Variants in ATRX observed in about 807,000 individuals in gnomAD.
ATRX encodes the protein ATRX chromatin remodeler.
A neutral mutation model predicts 172.6 loss-of-function variants in ATRX; 12 were observed. The ratio of observed to expected loss-of-function variants is 0.07; its 90% confidence interval spans 0.04 to 0.11. ATRX has a LOEUF of 0.11. ATRX is among the 10% of genes least tolerant of loss of function. ATRX has a pLI of 1.00. For missense variants in ATRX, 1,368 were observed against 1,767.4 expected, an observed-to-expected ratio of 0.77 and a Z score of 4.05; for synonymous variants, 674 against 594.7, an observed-to-expected ratio of 1.13 and a Z score of -1.94.
intron 30 of ATRX, among the ~76,000 whole-genome samples, chrX:77,552,796 A>G (rs1300079833): frequency 9.0e-6 from 1 of 110,881 alleles, no homozygotes; most frequent in Non-Finnish European, 1.9e-5. Flanking sequence ...AAATGGAGGA[A>G]CAGGAATTAA....
chrX:77,594,215 GA>G (rs2066390852), intron 25 of ATRX: 1 of 133,193 alleles, frequency 7.5e-6, no homozygotes, highest in Admixed American at 8.3e-5. Flanking sequence ...CAGGCCCTAA[GA>G]GAGTAAAATG....
intron 25 of ATRX, among the ~76,000 whole-genome samples, chrX:77,597,048 T>C (rs2066490311): frequency 1.8e-5 from 2 of 111,121 alleles, no homozygotes; most frequent in South Asian, 7.6e-4. Context: ...AAAAGGCAGA[T>C]TGGGGCAGCA....
At chrX:77,671,920 T>C (rs1169242848) in intron 10 of ATRX, among the ~76,000 whole-genome samples, 1 of 110,980 alleles carries the variant, frequency 9.0e-6, no homozygotes, top group Admixed American at 9.7e-5. Context: ...ATCATATGTC[T>C]TTCCTGACTG....
chrX:77,667,305 G>A (rs2070307279), intron 10 of ATRX, among the ~76,000 whole-genome samples: 1 of 101,612 alleles, frequency 9.8e-6, no homozygotes, highest in Admixed American at 1.1e-4. Context: ...ATGTGTGTGT[G>A]TGTGTGTGTG....
intron 1 of ATRX, among the ~76,000 whole-genome samples, chrX:77,758,956 G>A (rs1468240225): frequency 1.8e-5 from 2 of 111,661 alleles, no homozygotes; most frequent in African/African-American, 3.3e-5. Context: ...ACTTAAAGAT[G>A]GGACATTCTT....
chrX:77,661,951 A>G (rs539651006), intron 12 of ATRX, among the ~76,000 whole-genome samples: 3 of 110,927 alleles, frequency 2.7e-5, no homozygotes, highest in African/African-American at 9.8e-5. Flanking sequence ...TATCCCATCC[A>G]TCATGTGCCA....
intron 15 of ATRX, among the ~76,000 whole-genome samples, chrX:77,640,455 G>A (rs1255526602): frequency 2.7e-5 from 3 of 110,787 alleles, no homozygotes; most frequent in Non-Finnish European, 5.7e-5. Context: ...CTGAATTGAA[G>A]GGAAAATAAA....
At chrX:77,781,246 T>A (rs191617671) in intron 1 of ATRX, among the ~76,000 whole-genome samples, 80 of 110,101 alleles carry the variant, frequency 7.3e-4, no homozygotes, top group African/African-American at 1.5e-3. Context: ...ATCGAGACCA[T>A]CCTGGCCAAC....
intron 19 of ATRX, among the ~76,000 whole-genome samples, chrX:77,625,553 A>T (rs2067795855): frequency 8.9e-6 from 1 of 112,701 alleles, no homozygotes; most frequent in Admixed American, 9.3e-5. Flanking sequence ...AGTAAGAAAA[A>T]AACCAAACAA....
intron 15 of ATRX, chrX:77,651,892 T>C: frequency 4.9e-6 from 2 of 410,325 alleles, no homozygotes; most frequent in South Asian, 4.0e-5. Context: ...TACAACATTC[T>C]ACTCTTAAAA....
intron 3 of ATRX, 76 bp from the exon 4 acceptor site, chrX:77,697,711 G>T: frequency 1.1e-6 from 1 of 908,063 alleles, no homozygotes; most frequent in Non-Finnish European, 1.6e-6. Context: ...TTTCCCTATA[G>T]CAACTTCAAT....
At chrX:77,714,329 CCAGCAAGGCCCA>C (rs2148737086) in intron 2 of ATRX, among the ~76,000 whole-genome samples, 1 of 111,485 alleles carries the variant, frequency 9.0e-6, no homozygotes, top group African/African-American at 3.3e-5. Context: ...CGAGAAGGGT[CCAGCAAGGCCCA>C]CCGGACTCCG....
At chrX:77,534,322 A>G (rs1020186326) in intron 30 of ATRX, among the ~76,000 whole-genome samples, 6 of 112,187 alleles carry the variant, frequency 5.3e-5, no homozygotes, top group Non-Finnish European at 1.1e-4. Context: ...AATATAAGAA[A>G]CAAATAATGA....
At chrX:77,722,000 G>A (rs999370263) in intron 1 of ATRX, among the ~76,000 whole-genome samples, 3 of 111,226 alleles carry the variant, frequency 2.7e-5, no homozygotes, top group African/African-American at 9.8e-5. Context: ...GAACAGAACC[G>A]AGGCCTCAGA....
At chrX:77,767,004 G>A (rs1485476062) in intron 1 of ATRX, among the ~76,000 whole-genome samples, 3 of 112,604 alleles carry the variant, frequency 2.7e-5, no homozygotes, top group Non-Finnish European at 3.8e-5. Context: ...GATCACTCGC[G>A]GTTAGGAGCT....
At chrX:77,606,774 A>AC (rs2066924578) in intron 22 of ATRX, among the ~76,000 whole-genome samples, 2 of 107,577 alleles carry the variant, frequency 1.9e-5, no homozygotes, top group Admixed American at 2.0e-4. Flanking sequence ...AAAAAAAAAA[A>AC]CCCACACACA....
intron 22 of ATRX, among the ~76,000 whole-genome samples, chrX:77,614,800 A>T (rs2067290613): frequency 9.0e-6 from 1 of 111,568 alleles, no homozygotes; most frequent in Non-Finnish European, 1.9e-5. Flanking sequence ...CCATTCTGCT[A>T]TCAAACAGTA....
intron 19 of ATRX, among the ~76,000 whole-genome samples, chrX:77,621,996 G>GT (rs1161764337): frequency 2.7e-5 from 3 of 112,015 alleles, no homozygotes; most frequent in African/African-American, 9.7e-5. Flanking sequence ...GATTTAAATG[G>GT]TTTTACCACT....
chrX:77,629,756 TA>T (rs1179877629), intron 19 of ATRX, among the ~76,000 whole-genome samples: 1 of 111,847 alleles, frequency 8.9e-6, no homozygotes, highest in African/African-American at 3.2e-5. Context: ...ATGTCATACT[TA>T]ATGGTGGAGA....
Sources: allele counts gnomAD v4.1 joint callset (sites outside exome capture counted in the v4.1 genomes callset), GRCh38; gene constraint gnomAD v4.1.1; transcripts MANE v1.5; gene names NCBI Gene and HGNC (gene_info 2026-07-23, HGNC 2026-07-21).